SCFD2: variants seen among roughly 807,000 people sequenced by gnomAD.
SCFD2 encodes the protein sec1 family domain containing 2, also known as sec1 family domain-containing protein 2.
A neutral mutation model predicts 58.9 loss-of-function variants in SCFD2; 54 were observed. The ratio of observed to expected loss-of-function variants is 0.92; its 90% CI spans 0.74 to 1.15. SCFD2 has a LOEUF of 1.15. Among genes scored for constraint, SCFD2 ranks in the 50% most tolerant of loss-of-function variants. The probability of loss-of-function intolerance (pLI) is 0.00; values close to 1 mark genes in which losing one functional copy is unlikely to be tolerated. For missense variants in SCFD2, 805 were observed against 836.6 expected (o/e 0.96, Z 0.47); for synonymous variants, 321 against 335.9 (o/e 0.96, Z 0.49).
chr4:53,328,437 T>A (rs1270524025), intron 2 of SCFD2, among the ~76,000 whole-genome samples: 1 of 152,130 alleles, frequency 6.6e-6, no homozygotes, highest in Non-Finnish European at 1.5e-5. Context: ...CAAAGAACGA[T>A]GGTTATATAT....
At chr4:53,024,985 C>G (rs1722438508) in intron 5 of SCFD2, among the ~76,000 whole-genome samples, 1 of 152,174 alleles carries the variant, frequency 6.6e-6, no homozygotes, top group Admixed American at 6.5e-5. Context: ...TGGTTATACT[C>G]TACCTTATCT....
chr4:52,913,107 C>T (rs1289973837), intron 6 of SCFD2, among the ~76,000 whole-genome samples: 1 of 152,082 alleles, frequency 6.6e-6, no homozygotes, highest in African/African-American at 2.4e-5. Context: ...TTTATTTATT[C>T]CTTATATCTC....
chr4:53,129,301 T>A (rs1577755221), intron 5 of SCFD2, among the ~76,000 whole-genome samples: 1 of 152,160 alleles, frequency 6.6e-6, no homozygotes, highest in African/African-American at 2.4e-5. Context: ...TTGTAAACAC[T>A]TCAATGAAAA....
chr4:52,975,962 G>A (rs1436666589), intron 5 of SCFD2, among the ~76,000 whole-genome samples: 3 of 142,622 alleles, frequency 2.1e-5, no homozygotes, highest in Non-Finnish European at 3.0e-5. Flanking sequence ...TCATAGGTGG[G>A]AATTGAACAA....
intron 4 of SCFD2, among the ~76,000 whole-genome samples, chr4:53,236,124 C>T (rs921656284): frequency 6.6e-5 from 10 of 152,036 alleles, no homozygotes; most frequent in African/African-American, 2.2e-4. Context: ...GCAGATCCAC[C>T]CTTAATCTGG....
chr4:53,296,139 A>AT (rs1732021963), intron 3 of SCFD2, among the ~76,000 whole-genome samples: 2 of 152,188 alleles, frequency 1.3e-5, no homozygotes, highest in Non-Finnish European at 2.9e-5. Flanking sequence ...TATCAGGATG[A>AT]TGCTGGCCTC....
chr4:53,031,875 A>C (rs1325944767), intron 5 of SCFD2, among the ~76,000 whole-genome samples: 1 of 152,334 alleles, frequency 6.6e-6, no homozygotes, highest in East Asian at 1.9e-4. Context: ...TCAGGATATC[A>C]TCCAGGAGAA....
At chr4:53,146,202 T>G (rs1162647218) in intron 4 of SCFD2, among the ~76,000 whole-genome samples, 1 of 148,764 alleles carries the variant, frequency 6.7e-6, no homozygotes, top group East Asian at 1.9e-4. Context: ...AAAAATTGCC[T>G]TTATATCTTC....
intron 7 of SCFD2, among the ~76,000 whole-genome samples, chr4:52,888,241 T>TTATGTA (rs1182743262): frequency 1.6e-4 from 25 of 152,170 alleles, no homozygotes; most frequent in African/African-American, 5.3e-4. Context: ...AAGTTATTCC[T>TTATGTA]TGGCTTCTGA....
intron 4 of SCFD2, among the ~76,000 whole-genome samples, chr4:53,218,492 T>A (rs1036312163): frequency 3.9e-5 from 6 of 152,368 alleles, no homozygotes; most frequent in Admixed American, 3.9e-4. Flanking sequence ...TTCAGCTCCA[T>A]CAGGTCCTTT....
chr4:53,198,699 G>A (rs1483327826), intron 4 of SCFD2, among the ~76,000 whole-genome samples: 1 of 151,842 alleles, frequency 6.6e-6, no homozygotes, highest in Non-Finnish European at 1.5e-5. Context: ...GTGTATACAT[G>A]TGTTCATTTA....
At chr4:52,997,307 G>T (rs1453449481) in intron 5 of SCFD2, among the ~76,000 whole-genome samples, 1 of 152,222 alleles carries the variant, frequency 6.6e-6, no homozygotes, top group African/African-American at 2.4e-5. Flanking sequence ...CAAAAGAAAG[G>T]CCCTCTGCAC....
At chr4:53,225,913 A>G (rs573919010) in intron 4 of SCFD2, among the ~76,000 whole-genome samples, 21 of 152,200 alleles carry the variant, frequency 1.4e-4, no homozygotes, top group African/African-American at 4.3e-4. Context: ...AATAAACTCA[A>G]TGTTTACCAA....
intron 5 of SCFD2, among the ~76,000 whole-genome samples, chr4:53,025,128 G>T (rs1360382452): frequency 1.3e-5 from 2 of 152,156 alleles, no homozygotes; most frequent in African/African-American, 4.8e-5. Flanking sequence ...GAAGAAGGGG[G>T]TAAGAAATAG....
chr4:52,996,758 G>A (rs1721749822), intron 5 of SCFD2, among the ~76,000 whole-genome samples: 1 of 152,152 alleles, frequency 6.6e-6, no homozygotes, highest in Admixed American at 6.5e-5. Flanking sequence ...AACAAATTAG[G>A]CTGTCTGCAT....
At chr4:53,070,891 C>T (rs1366625704) in intron 5 of SCFD2, among the ~76,000 whole-genome samples, 2 of 152,090 alleles carry the variant, frequency 1.3e-5, no homozygotes, top group East Asian at 1.9e-4. Flanking sequence ...ATAGAACACT[C>T]TCCCATTAGG....
intron 5 of SCFD2, among the ~76,000 whole-genome samples, chr4:53,110,074 C>G (rs554178671): frequency 9.7e-6 from 1 of 103,374 alleles, no homozygotes; most frequent in South Asian, 2.8e-4. Context: ...ACAGAGGCCT[C>G]AGAAATAACA....
At chr4:53,216,792 A>G (rs1379966596) in intron 4 of SCFD2, among the ~76,000 whole-genome samples, 5 of 152,182 alleles carry the variant, frequency 3.3e-5, no homozygotes, top group Non-Finnish European at 7.3e-5. Context: ...CTAGTGCTAT[A>G]AATTTCCCTC....
chr4:52,920,963 T>TG (rs1363987980), intron 5 of SCFD2, 93 bp from the exon 6 acceptor site: 1 of 574,190 alleles, frequency 1.7e-6, no homozygotes, highest in East Asian at 3.3e-5. Context: ...TGGGAGGTTT[T>TG]TTTTTTTCTT....
Sources: gnomAD v4.1 joint callset for allele counts (sites outside exome capture counted in the v4.1 genomes callset) on GRCh38, gnomAD v4.1.1 for gene constraint, MANE v1.5 for transcripts, NCBI Gene and HGNC (gene_info 2026-07-23, HGNC 2026-07-21) for gene names.